SNX4: variants seen among roughly 807,000 people sequenced by gnomAD.
SNX4 encodes the protein sorting nexin 4, also known as sorting nexin-4.
A neutral mutation model predicts 70.8 loss-of-function variants in SNX4; 49 were observed. That is an observed-to-expected ratio of 0.69 (90% CI 0.55 to 0.88). SNX4 has a LOEUF of 0.88. Among genes scored for constraint, SNX4 ranks in the 40% least tolerant of loss-of-function variants. The pLI is 0.00. For synonymous variants in SNX4, 206 were observed against 183.8 expected, an observed-to-expected ratio of 1.12 and a Z score of -0.98; for missense variants, 528 against 544.8, an observed-to-expected ratio of 0.97 and a Z score of 0.31.
At chr3:125,497,789 C>A in intron 4 of SNX4, 45 bp downstream of exon 4, 6 of 1,362,902 alleles carry the variant, frequency 4.4e-6, no homozygotes, top group South Asian at 3.0e-5. Context: ...TTAAGAAACC[C>A]AAATTAAATG....
intron 1 of SNX4, among the ~76,000 whole-genome samples, chr3:125,511,372 A>G (rs559212579): frequency 2.3e-3 from 343 of 148,674 alleles, no homozygotes; most frequent in African/African-American, 8.0e-3. Context: ...AGTTAGCATA[A>G]TTTTTTTTTT....
At chr3:125,499,509 C>T (rs1284689795) in intron 2 of SNX4, among the ~76,000 whole-genome samples, 1 of 152,068 alleles carries the variant, frequency 6.6e-6, no homozygotes, top group African/African-American at 2.4e-5. Context: ...GCAAAATTCA[C>T]AAATGGCTCC....
intron 2 of SNX4, among the ~76,000 whole-genome samples, chr3:125,500,327 C>G (rs949922631): frequency 2.0e-5 from 3 of 152,088 alleles, no homozygotes; most frequent in Non-Finnish European, 4.4e-5. Context: ...GGCATTACTA[C>G]CTATTCTAAA....
Position 125,504,716 on chromosome 3 carries a change from T to C in SNX4, c.170A>G (p.Lys57Arg). 6.2e-7 allele frequency: 1 copy of C among 1,613,832 alleles called. No individual in the cohort carries two copies. Among genetic ancestry groups the C allele is most frequent in the Admixed American group, 1.7e-5 (1 of 59,986 alleles). The change falls in exon 2 of 14, where the codon AAG becomes AGG. Residue 57 changes from lysine to arginine, a missense_variant. Lys to Arg is a conservative substitution (Grantham distance 26). This residue lies in a region of SNX4 where 341 missense variants were observed against 312.2 expected (regional missense o/e 1.09). Transcript: ENST00000251775. ...TGCTTCTGAAACACTGATTTCTATCTTCTTCAACCAAAAATTATTGTGTGT... is the reference window on the plus strand; with the variant it reads ...TGCTTCTGAAACACTGATTTCTATCCTCTTCAACCAAAAATTATTGTGTGT... ...TMTHNNFWLK[K>R]IEISVSEAEK...
At chr3:125,502,726 C>T (rs112650138) in intron 2 of SNX4, among the ~76,000 whole-genome samples, 4 of 151,316 alleles carry the variant, frequency 2.6e-5, no homozygotes, top group South Asian at 2.1e-4. Context: ...TGGTGACGGG[C>T]GCCTGTAATA....
intron 5 of SNX4, among the ~76,000 whole-genome samples, chr3:125,494,024 A>G (rs192884955): frequency 5.0e-4 from 71 of 143,238 alleles, no homozygotes; most frequent in Non-Finnish European, 8.5e-4. Context: ...GCGACAGAGC[A>G]AGACTCCATC....
chr3:125,451,487 G>T, intron 12 of SNX4, 68 bp from the exon 13 acceptor site: 1 of 1,120,780 alleles, frequency 8.9e-7, no homozygotes, highest in Non-Finnish European at 1.3e-6. Context: ...AAGTTAACCA[G>T]TTCTCATTGG....
At chr3:125,495,930 A>T (rs1368317777) in intron 5 of SNX4, among the ~76,000 whole-genome samples, 2 of 152,200 alleles carry the variant, frequency 1.3e-5, no homozygotes, top group East Asian at 3.8e-4. Context: ...CTAAACTCAA[A>T]TTCTACCATT....
At chr3:125,471,344 CA>C (rs767432586) in intron 8 of SNX4, among the ~76,000 whole-genome samples, 796 of 28,072 alleles carry the variant, frequency 0.028, no homozygotes, top group Non-Finnish European at 0.034. Flanking sequence ...AGCTCCATCT[CA>C]AAAAAAAAAA....
chr3:125,460,887 G>GAATA (rs1168959427), intron 9 of SNX4, 27 bp from the exon 10 acceptor site: 1 of 964,734 alleles, frequency 1.0e-6, no homozygotes. Flanking sequence ...AACACACATT[G>GAATA]CATAGAGTTA....
At chr3:125,467,189 C>A (rs1170779790) in intron 9 of SNX4, among the ~76,000 whole-genome samples, 4 of 151,468 alleles carry the variant, frequency 2.6e-5, no homozygotes, top group Non-Finnish European at 5.9e-5. Context: ...GAGTTTGAGA[C>A]CAGTCTGGCC....
intron 9 of SNX4, 141 bp downstream of exon 9, chr3:125,469,313 G>C: frequency 2.1e-6 from 1 of 486,874 alleles, no homozygotes; most frequent in Non-Finnish European, 3.7e-6. Context: ...GCATTCCTGA[G>C]ATAAATTTAA....
intron 8 of SNX4, among the ~76,000 whole-genome samples, chr3:125,470,551 G>A (rs1934141186): frequency 6.7e-6 from 1 of 149,560 alleles, no homozygotes; most frequent in African/African-American, 2.4e-5. Context: ...CAGACAACCT[G>A]AAGTCCACCC....
Position 125,477,060 on chromosome 3 carries a change from T to A in SNX4, c.727-304A>T, listed in dbSNP as rs569445470. 3.9e-5 allele frequency among the ~76,000 whole-genome samples: 6 copies of A among 152,294 alleles called. No individual in the cohort carries two copies. In the South Asian group the frequency reaches 1.2e-3, roughly 32 times the overall value. Reference sequence around the variant, plus strand: ...ATTTAATAAATACCACTATAAATAGTTGCATAAAATTCCACTAAGTAGTAT... The same window carrying A: ...ATTTAATAAATACCACTATAAATAGATGCATAAAATTCCACTAAGTAGTAT... On this transcript the variant is annotated intron_variant, in intron 7 of 13. Transcript: ENST00000251775.
chr3:125,517,934 G>A lies in SNX4; in HGVS notation c.141+2098C>T, dbSNP rs183128787. Among the ~76,000 whole-genome samples, 220 of 151,886 alleles carry A rather than the reference G, an allele frequency of 1.4e-3. 2 individuals carry two copies. The highest frequency in any genetic ancestry group is 2.3e-3 in the Non-Finnish European group (153 of 67,962). On this transcript the variant is annotated intron_variant, in intron 1 of 13. Coordinates refer to ENST00000251775, the MANE Select transcript of SNX4 (RefSeq NM_003794.4). ...GAGGTCTGCAGTGACCCGAGATCAC[G>A]CCACTGCACTCCAGCCTGGGTGACA...
chr3:125,490,331 G>A (rs1304335873), intron 5 of SNX4, among the ~76,000 whole-genome samples: 1 of 151,658 alleles, frequency 6.6e-6, no homozygotes, highest in Non-Finnish European at 1.5e-5. Context: ...TCAGGAGATC[G>A]AGACCACGGT....
chr3:125,497,956 CAG>C lies in SNX4; in HGVS notation c.425_426del (p.Ser142CysfsTer2), dbSNP rs778247633. On this transcript the variant is annotated frameshift_variant, in exon 4 of 14. Transcript: ENST00000251775. LOFTEE classifies it high-confidence loss of function. The stretch of plus-strand genomic sequence containing the variant: ...ACAAAATCTGGATCCATGTTGTCAG[CAG>C]AGAGTTTATGCCAAACAAATTCTGC... ...KRAEFVWHKL[S>X]ADNMDPDFVE... 1.2e-6 allele frequency: 2 copies of C among 1,614,118 alleles called. No individual in the cohort carries two copies. The highest frequency in any genetic ancestry group is 1.7e-6 in the Non-Finnish European group (2 of 1,180,008).
chr3:125,483,989 A>C (rs1934470190), intron 6 of SNX4, among the ~76,000 whole-genome samples: 1 of 152,220 alleles, frequency 6.6e-6, no homozygotes, highest in Non-Finnish European at 1.5e-5. Flanking sequence ...AGAATGTTGC[A>C]GTTTCACTTG....
intron 6 of SNX4, among the ~76,000 whole-genome samples, chr3:125,482,569 C>T (rs1450798449): frequency 6.6e-6 from 1 of 152,032 alleles, no homozygotes; most frequent in African/African-American, 2.4e-5. Flanking sequence ...CTCTAATCTA[C>T]TGTCCACTCT....
Sources: allele counts gnomAD v4.1 joint callset (sites outside exome capture counted in the v4.1 genomes callset), GRCh38; gene constraint gnomAD v4.1.1; regional missense constraint gnomAD v4.1.1; transcripts MANE v1.5; gene names NCBI Gene and HGNC (gene_info 2026-07-23, HGNC 2026-07-21).